TMEM131: variants seen among roughly 807,000 people sequenced by gnomAD.
TMEM131 encodes the protein 2610524E03Rik.
TMEM131 carries 66 observed loss-of-function variants against 211.6 expected under a neutral mutation model. The observed-to-expected ratio is 0.31, with a 90% CI of 0.26 to 0.38. The LOEUF (loss-of-function observed/expected upper bound fraction) is 0.38. Ranked by LOEUF, TMEM131 falls within the 10% of genes least tolerant of loss-of-function variation. The probability of loss-of-function intolerance (pLI) is 1.00; values close to 1 mark genes in which losing one functional copy is unlikely to be tolerated. For synonymous variants in TMEM131, 844 were observed against 841.3 expected, an observed-to-expected ratio of 1.00 and a Z score of -0.06; for missense variants, 2,036 against 2,299.3, an observed-to-expected ratio of 0.89 and a Z score of 2.34.
At chr2:97,878,243 C>A (rs1674778583) in intron 4 of TMEM131, among the ~76,000 whole-genome samples, 1 of 152,232 alleles carries the variant, frequency 6.6e-6, no homozygotes, top group South Asian at 2.1e-4. Context: ...CGCTTTTACA[C>A]TGTTGGTGGG....
At chr2:97,963,735 A>G (rs141892610) in intron 1 of TMEM131, among the ~76,000 whole-genome samples, 22 of 152,286 alleles carry the variant, frequency 1.4e-4, no homozygotes, top group African/African-American at 4.8e-4. Context: ...AATAAATACA[A>G]TAAGAATTTT....
intron 7 of TMEM131, among the ~76,000 whole-genome samples, chr2:97,837,983 A>G (rs1338379138): frequency 1.3e-5 from 2 of 152,188 alleles, no homozygotes; most frequent in Admixed American, 6.5e-5. Context: ...ATAATACAAC[A>G]TATACTCTTG....
chr2:97,768,763 G>A (rs1202592659), intron 33 of TMEM131, among the ~76,000 whole-genome samples: 2 of 151,792 alleles, frequency 1.3e-5, no homozygotes, highest in African/African-American at 2.4e-5. Context: ...GTTAATTTTT[G>A]TATTTTTAAC....
chr2:97,811,149 G>C lies in TMEM131; in HGVS notation c.1947C>G (p.Ile649Met). ...TTACCTCATAGTCTGTTGTGATCTG[G>C]ATGGCTCCATCATGAATCCCCTCTA... ...KKLEGIHDGAIQITTDYEILT... is the reference protein window; with the variant it reads ...KKLEGIHDGAMQITTDYEILT... The change falls in exon 18 of 41, where the codon ATC becomes ATG. Residue 649 changes from isoleucine (I) to methionine (M), a missense_variant. Physicochemically the swap from Ile to Met is conservative, Grantham distance 10. Transcript: ENST00000186436. 6.2e-7 allele frequency: 1 copy of C among 1,613,526 alleles called. No individual in the cohort carries two copies. Among genetic ancestry groups the C allele is most frequent in the Non-Finnish European group, 8.5e-7 (1 of 1,179,530 alleles).
intron 1 of TMEM131, among the ~76,000 whole-genome samples, chr2:97,935,396 A>C (rs1677400510): frequency 1.3e-5 from 2 of 152,222 alleles, no homozygotes; most frequent in Admixed American, 6.5e-5. Context: ...ATAACAGTGT[A>C]TGATTCTAAA....
chr2:97,954,935 T>A (rs1678497782), intron 1 of TMEM131, among the ~76,000 whole-genome samples: 1 of 151,264 alleles, frequency 6.6e-6, no homozygotes, highest in Non-Finnish European at 1.5e-5. Flanking sequence ...TTTTACATAA[T>A]CTAGTTTAAA....
intron 15 of TMEM131, among the ~76,000 whole-genome samples, chr2:97,813,373 T>C (rs187609990): frequency 7.4e-4 from 113 of 152,346 alleles, no homozygotes; most frequent in African/African-American, 2.5e-3. Flanking sequence ...GTCCTAGCTT[T>C]CTTTTTATCT....
At chr2:97,829,777 C>A (rs1682575976) in intron 11 of TMEM131, among the ~76,000 whole-genome samples, 1 of 152,148 alleles carries the variant, frequency 6.6e-6, no homozygotes, top group East Asian at 1.9e-4. Flanking sequence ...CCAGAAGGAA[C>A]CAACTCTGGA....
intron 1 of TMEM131, among the ~76,000 whole-genome samples, chr2:97,986,798 T>C (rs1680045939): frequency 6.6e-6 from 1 of 152,252 alleles, no homozygotes; most frequent in Non-Finnish European, 1.5e-5. Context: ...GAAGCATTTC[T>C]AAAGGTGGTC....
At chr2:97,930,647 T>C (rs1677180906) in intron 1 of TMEM131, among the ~76,000 whole-genome samples, 1 of 151,776 alleles carries the variant, frequency 6.6e-6, no homozygotes, top group African/African-American at 2.4e-5. Flanking sequence ...TTCAATTATA[T>C]GCCTCAAAAA....
At chr2:97,919,489 T>A (rs1467696588) in intron 2 of TMEM131, among the ~76,000 whole-genome samples, 1 of 152,262 alleles carries the variant, frequency 6.6e-6, no homozygotes, top group African/African-American at 2.4e-5. Flanking sequence ...TTTCAGTCTA[T>A]AAGTCAGCTG....
intron 4 of TMEM131, among the ~76,000 whole-genome samples, chr2:97,887,302 A>G (rs1438330702): frequency 6.6e-6 from 1 of 151,522 alleles, no homozygotes; most frequent in African/African-American, 2.4e-5. Flanking sequence ...CCACAGGGCT[A>G]TTTCTTAGGC....
Position 97,757,216 on chromosome 2 carries a change from G to A in TMEM131, c.5535C>T (p.Thr1845=). Residue 1845 remains threonine (T), a synonymous_variant, in exon 41 of 41, where the codon ACC becomes ACT. Coordinates refer to ENST00000186436, the MANE Select transcript of TMEM131 (RefSeq NM_015348.2). The part of the protein sequence containing the change: ...ENSPAPHAPS[T]SSPADDLGQT... ...GTCCCAAGTCGTCAGCTGGACTGGA[G>A]GTGGAGGGAGCGTGAGGAGCAGGGG... 6.2e-7 allele frequency: 1 copy of A among 1,614,052 alleles called. No homozygotes were observed. Among genetic ancestry groups the A allele is most frequent in the Non-Finnish European group, 8.5e-7 (1 of 1,179,910 alleles).
intron 3 of TMEM131, among the ~76,000 whole-genome samples, chr2:97,895,108 T>G (rs1675549109): frequency 1.3e-5 from 2 of 152,244 alleles, no homozygotes; most frequent in Admixed American, 1.3e-4. Context: ...CGAAGGCCTT[T>G]TCTGCATCTA....
At chr2:97,935,761 T>C (rs1677415236) in intron 1 of TMEM131, among the ~76,000 whole-genome samples, 2 of 152,184 alleles carry the variant, frequency 1.3e-5, no homozygotes, top group African/African-American at 4.8e-5. Flanking sequence ...GAATAAACTT[T>C]CTAAGAACTC....
At chr2:97,961,176 G>C (rs1258035495) in intron 1 of TMEM131, among the ~76,000 whole-genome samples, 2 of 150,060 alleles carry the variant, frequency 1.3e-5, no homozygotes, top group African/African-American at 4.9e-5. Context: ...TAAGGTTATA[G>C]CACGTAAAGT....
At chr2:97,815,414 C>T in intron 12 of TMEM131, 107 bp from the exon 13 acceptor site, 1 of 604,158 alleles carries the variant, frequency 1.7e-6, no homozygotes, top group South Asian at 2.7e-5. Flanking sequence ...GTTGAGCTTC[C>T]AAATTGGCCA....
At chr2:97,857,556 C>T (rs1673899290) in intron 5 of TMEM131, among the ~76,000 whole-genome samples, 1 of 152,186 alleles carries the variant, frequency 6.6e-6, no homozygotes, top group Non-Finnish European at 1.5e-5. Flanking sequence ...CAATTGTGAA[C>T]TATTTTTTAA....
rs570896982 is a variant in TMEM131, at chr2:97,800,959, G to GA, written c.2718+935dup. On this transcript the variant is annotated intron_variant, in intron 25 of 40. Coordinates refer to ENST00000186436, the MANE Select transcript of TMEM131 (RefSeq NM_015348.2). ...CTAGTGTCCCAGCCATTATTTGACA[G>GA]AAAAAAATACTACTTTGAATATTAC... 5.4e-3 allele frequency among the ~76,000 whole-genome samples: 827 copies of GA among 152,228 alleles called. 5 individuals carry two copies. The highest frequency in any genetic ancestry group is 0.019 in the African/African-American group (770 of 41,538).
Sources: gnomAD v4.1 joint callset for allele counts (sites outside exome capture counted in the v4.1 genomes callset) on GRCh38, gnomAD v4.1.1 for gene constraint, MANE v1.5 for transcripts, NCBI Gene and HGNC (gene_info 2026-07-23, HGNC 2026-07-21) for gene names.